NYNRIN: variants seen among roughly 807,000 people sequenced by gnomAD.
NYNRIN encodes the protein protein NYNRIN.
In NYNRIN, 86 loss-of-function variants were observed where a neutral mutation model predicts 146.6. The ratio of observed to expected loss-of-function variants is 0.59; its 90% CI spans 0.49 to 0.70. The LOEUF is 0.70. Among genes scored for constraint, NYNRIN ranks in the 30% least tolerant of loss-of-function variants. The pLI is 0.00. For missense variants in NYNRIN, 2,191 were observed against 2,377.7 expected (o/e 0.92, Z 1.63); for synonymous variants, 1,027 against 1,001.3 (o/e 1.03, Z -0.48).
In NYNRIN at chr14:24,409,644, T is replaced by G; in HGVS notation, c.1850T>G (p.Val617Gly). Residue 617 changes from valine (V) to glycine (G), a missense_variant, in exon 4 of 9, where the codon GTG becomes GGG. This residue lies in a region of NYNRIN where 895 missense variants were observed against 941.2 expected (regional missense o/e 0.95). Coordinates refer to ENST00000382554, the MANE Select transcript of NYNRIN (RefSeq NM_025081.3). ...VVNQPVLVAQ[V>G]EPTTPKTPQA... ...AATCAACCAGTGTTGGTAGCTCAAG[T>G]GGAACCCACAACTCCAAAAACTCCC... The G allele has an allele frequency of 6.2e-7, 1 of 1,606,950 alleles. No individual in the cohort carries two copies. The highest frequency in any genetic ancestry group is 8.5e-7 in the Non-Finnish European group (1 of 1,176,664).
chr14:24,401,422 C>A (rs1368741491), intron 2 of NYNRIN, among the ~76,000 whole-genome samples: 1 of 132,828 alleles, frequency 7.5e-6, no homozygotes, highest in Non-Finnish European at 1.6e-5. Context: ...AGAAGGAGGA[C>A]AGGGAAGGTG....
rs910114686 is a variant in NYNRIN, at chr14:24,419,220, T to A, written c.*1774T>A. 1 of 152,234 alleles carries A rather than the reference T, an allele frequency of 6.6e-6. No homozygotes were observed. The highest frequency in any genetic ancestry group is 2.4e-5 in the African/African-American group (1 of 41,436). 9.4% of individuals were successfully genotyped at this position (152,234 alleles called of 1,614,324 possible). A position where few individuals can be genotyped will look rare whatever the true frequency, so the allele number is the denominator to read the frequency against. ...TTCCCCCTGTTAGCTACATTTGTGA[T>A]CACATACCCTTCTTTTAAGTGAATT... On this transcript the variant is annotated 3_prime_UTR_variant, in exon 9 of 9. Transcript: ENST00000382554.
In NYNRIN at chr14:24,408,832, CT is replaced by C; in HGVS notation, c.1039del (p.Trp347GlyfsTer56). The C allele has an allele frequency of 6.2e-7, 1 of 1,614,068 alleles. No individual in the cohort carries two copies. The highest frequency in any genetic ancestry group is 8.5e-7 in the Non-Finnish European group (1 of 1,179,902). ...PVSALGVCPP[W>X]KAWTPGPAFG... Reference sequence around the variant, plus strand: ...TATCAGCCCTGGGTGTGTGCCCACCCTGGAAGGCCTGGACCCCGGGGCCAGC... The same window carrying C: ...TATCAGCCCTGGGTGTGTGCCCACCCGGAAGGCCTGGACCCCGGGGCCAGC... On this transcript the variant is annotated frameshift_variant, in exon 4 of 9. Coordinates refer to ENST00000382554, the MANE Select transcript of NYNRIN (RefSeq NM_025081.3). LOFTEE classifies it high-confidence loss of function.
In NYNRIN at chr14:24,415,940, C is replaced by T; in HGVS notation, c.4191C>T (p.Phe1397=). 1 of 1,613,892 alleles carries T rather than the reference C, an allele frequency of 6.2e-7. No homozygotes were observed. The change falls in exon 9 of 9, where the codon TTC becomes TTT. Residue 1397 remains phenylalanine (F), a synonymous_variant. Transcript: ENST00000382554. ...TGCCCCTCTGGAGGGCTCGGGGCTT[C>T]CTCTCCTCTGATGGGGCTCCACTCC... ...ELLPLWRARG[F]LSSDGAPLPH... is the part of the protein sequence containing the mutation.
Position 24,409,738 on chromosome 14 carries a change from G to T in NYNRIN, c.1944G>T (p.Gly648=). 1.2e-6 allele frequency: 2 copies of T among 1,605,096 alleles called. No homozygotes were observed. Among genetic ancestry groups the T allele is most frequent in the South Asian group, 2.2e-5 (2 of 90,068 alleles). ...CCAAAACACCCAAAGCTCAAGCCGG[G>T]CCTGCAGCTACAGTTTCCAAAGCAC... ...AGPKTPKAQA[G]PAATVSKAPA... Residue 648 remains glycine (G), a synonymous_variant, in exon 4 of 9, where the codon GGG becomes GGT. Transcript: ENST00000382554.
chr14:24,416,839 T>A lies in NYNRIN; in HGVS notation c.5090T>A (p.Leu1697Gln). 1 of 1,609,548 alleles carries A rather than the reference T, an allele frequency of 6.2e-7. No homozygotes were observed. Among genetic ancestry groups the A allele is most frequent in the Admixed American group, 1.7e-5 (1 of 59,710 alleles). Residue 1697 changes from leucine to glutamine, a missense_variant, in exon 9 of 9, where the codon CTG (leucine) becomes CAG (glutamine). Physicochemically the swap from Leu to Gln is moderately radical, Grantham distance 113. Around this residue, in one of 3 missense-constraint regions of NYNRIN, gnomAD observed 1,291 missense variants for 1,417.0 expected, o/e 0.91. Transcript: ENST00000382554. ...RHVLVSCGLA[L>Q]GAQVASLSRD... is the part of the protein sequence containing the mutation. ...GTCCTTGTGAGCTGTGGGCTGGCCC[T>A]GGGAGCCCAGGTGGCCTCCCTGAGT...
chr14:24,408,217 C>G lies in NYNRIN; in HGVS notation c.547C>G (p.Pro183Ala), dbSNP rs558596464. 7 of 1,604,132 alleles carry G rather than the reference C, an allele frequency of 4.4e-6. No individual in the cohort carries two copies. In the South Asian group the frequency reaches 5.5e-5, roughly 13 times the overall value. The part of the protein sequence containing the change: ...QHAGDLLQLP[P>A]AVQELLLSLV... ...TGCAGGGGACCTACTGCAGCTGCCC[C>G]CAGCGGTCCAGGAGCTGCTGCTGAG... Residue 183 changes from proline to alanine, a missense_variant, in exon 3 of 9, where the codon CCA becomes GCA. Coordinates refer to ENST00000382554, the MANE Select transcript of NYNRIN (RefSeq NM_025081.3).
Position 24,415,185 on chromosome 14 carries a change from G to A in NYNRIN, c.3436G>A (p.Val1146Met). 6.2e-7 allele frequency: 1 copy of A among 1,609,270 alleles called. No individual in the cohort carries two copies. The highest frequency in any genetic ancestry group is 1.1e-5 in the South Asian group (1 of 91,080). ...CTTCCTGGCCCTGAAGCGAGCCCTG[G>A]TGTCTGCCCTCTGCCTGATGGCCCC... ...EAFLALKRAL[V>M]SALCLMAPNS... The change falls in exon 9 of 9, where the codon GTG becomes ATG. Residue 1146 changes from valine to methionine, a missense_variant. Val to Met is a conservative substitution (Grantham distance 21). Coordinates refer to ENST00000382554, the MANE Select transcript of NYNRIN (RefSeq NM_025081.3).
chr14:24,411,299 C>T lies in NYNRIN; in HGVS notation c.2546-55C>T. 6.2e-7 allele frequency: 1 copy of T among 1,612,228 alleles called. No homozygotes were observed. Among genetic ancestry groups the T allele is most frequent in the Non-Finnish European group, 8.5e-7 (1 of 1,178,406 alleles). ...CCGACCCTCTGCCACCCCAGAGTGGCCATTTCCACTTAGCCCTCCCTTGAC... is the reference window on the plus strand; with the variant it reads ...CCGACCCTCTGCCACCCCAGAGTGGTCATTTCCACTTAGCCCTCCCTTGAC... On this transcript the variant is annotated intron_variant, in intron 5 of 8. Transcript: ENST00000382554. The surrounding 1 kb of genome is among the most constrained non-coding windows in gnomAD (Gnocchi z 4.3).
intron 2 of NYNRIN, among the ~76,000 whole-genome samples, chr14:24,403,825 C>G (rs1429030447): frequency 6.6e-6 from 1 of 152,188 alleles, no homozygotes; most frequent in East Asian, 1.9e-4. Context: ...GTTGCATGTC[C>G]ACGTTGCATA....
At chr14:24,414,567 CCTTCCCT>C (rs774351085) in intron 8 of NYNRIN, 22 bp from the exon 9 acceptor site, 20 of 1,575,876 alleles carry the variant, frequency 1.3e-5, no homozygotes, top group Non-Finnish European at 1.7e-5. Flanking sequence ...ATGGGGCTGC[CCTTCCCT>C]CTTCCATCTG....
chr14:24,410,865 G>GCA lies in NYNRIN; in HGVS notation c.2415-196_2415-195dup, dbSNP rs148834854. Among the ~76,000 whole-genome samples the GCA allele has an allele frequency of 3.0e-4, 45 of 151,574 alleles. No homozygotes were observed. The Middle Eastern group carries it at 0.01, about 35-fold the overall frequency. ...CACACATGCGTACACACAGGTACAT[G>GCA]CACACACACACACACATGCACGCGC... On this transcript the variant is annotated intron_variant, in intron 4 of 8. Coordinates refer to ENST00000382554, the MANE Select transcript of NYNRIN (RefSeq NM_025081.3).
chr14:24,403,605 G>C (rs2042858378), intron 2 of NYNRIN, among the ~76,000 whole-genome samples: 1 of 152,234 alleles, frequency 6.6e-6, no homozygotes, highest in Non-Finnish European at 1.5e-5. Context: ...CCTCCAATCT[G>C]AACTAGCTGT....
In NYNRIN at chr14:24,414,809, C is replaced by T. The variant is rs996648492; in HGVS notation, c.3060C>T (p.Asp1020=). ...TQKAAEEDDL[D]SSLASVFRVE... ...AGGCGGCTGAGGAGGACGACCTTGA[C>T]TCTTCGCTGGCGTCAGTGTTCAGGG... Residue 1020 remains aspartate, a synonymous_variant, in exon 9 of 9, where the codon GAC becomes GAT. Coordinates refer to ENST00000382554, the MANE Select transcript of NYNRIN (RefSeq NM_025081.3). 3 of 1,613,600 alleles carry T rather than the reference C, an allele frequency of 1.9e-6. No individual in the cohort carries two copies. The highest frequency in any genetic ancestry group is 2.5e-6 in the Non-Finnish European group (3 of 1,179,782).
intron 7 of NYNRIN, 38 bp from the exon 8 acceptor site, chr14:24,413,278 G>A (rs781356928): frequency 1.9e-6 from 3 of 1,577,100 alleles, no homozygotes; most frequent in African/African-American, 1.4e-5. Flanking sequence ...TGGGTCAAGG[G>A]CTCACAGTGA....
intron 1 of NYNRIN, 43 bp from the exon 2 acceptor site, chr14:24,399,187 C>T (rs2042823657): frequency 2.0e-6 from 3 of 1,523,450 alleles, no homozygotes; most frequent in East Asian, 2.3e-5. Context: ...GGGGCGCCTG[C>T]CGCCCCGAGA....
chr14:24,408,101 G>T lies in NYNRIN; in HGVS notation c.431G>T (p.Gly144Val), dbSNP rs762384920. ...GAGCTGGTGGGGCGACTGCGCTGGG[G>T]CCCTGCCCCTCTGCTGACCCCCCGG... ...LEELVGRLRW[G>V]PAPLLTPRGI... is the part of the protein sequence containing the mutation. The change falls in exon 3 of 9, where the codon GGC becomes GTC. Residue 144 changes from glycine (G) to valine (V), a missense_variant. Physicochemically the swap from Gly to Val is moderately radical, Grantham distance 109. Transcript: ENST00000382554. 8.7e-6 allele frequency: 14 copies of T among 1,612,592 alleles called. No homozygotes were observed. The East Asian group carries it at 3.1e-4, about 36-fold the overall frequency.
Position 24,417,719 on chromosome 14 carries a change from CTATA to C in NYNRIN, c.*274_*277del. 1 of 385,808 alleles carries C rather than the reference CTATA, an allele frequency of 2.6e-6. No homozygotes were observed. The allele number at this position is 385,808 out of a possible 1,614,324, so 23.9% of individuals were successfully genotyped here. A position where few individuals can be genotyped will look rare whatever the true frequency, so the allele number is the denominator to read the frequency against. The stretch of plus-strand genomic sequence containing the variant: ...CTGGGAAATGGAGTGCTCCTCTAGG[CTATA>C]CCAGGCTCAGTGTCTTCTCCCCAAG... On this transcript the variant is annotated 3_prime_UTR_variant, in exon 9 of 9. Transcript: ENST00000382554.
At position 24,411,554 on chromosome 14, in the gene NYNRIN, A is replaced by T; in HGVS notation, c.2642+104A>T. On this transcript the variant is annotated intron_variant, in intron 6 of 8. Coordinates refer to ENST00000382554, the MANE Select transcript of NYNRIN (RefSeq NM_025081.3). This position sits in a 1 kb window ranked among gnomAD's most constrained non-coding sequence, Gnocchi z 4.3. The stretch of plus-strand genomic sequence containing the variant: ...CTTCTCTGGGGAAATGGAGGCAAAC[A>T]TGTTGGGGGTGTCGGTTGTGCAGAG... 1 of 966,744 alleles carries T rather than the reference A, an allele frequency of 1.0e-6. No individual in the cohort carries two copies. The highest frequency in any genetic ancestry group is 1.6e-6 in the Non-Finnish European group (1 of 612,652). The allele number at this position is 966,744 out of a possible 1,614,324, so 59.9% of individuals were successfully genotyped here.
Sources: gnomAD v4.1 joint callset for allele counts (sites outside exome capture counted in the v4.1 genomes callset) on GRCh38, gnomAD v4.1.1 for gene constraint, gnomAD v4.1.1 regional missense constraint, Gnocchi (gnomAD v3.1) non-coding constraint, MANE v1.5 for transcripts, NCBI Gene and HGNC (gene_info 2026-07-23, HGNC 2026-07-21) for gene names.